PLEKHA3: variants seen among roughly 807,000 people sequenced by gnomAD.
PLEKHA3 encodes pleckstrin homology domain containing A3.
Under a neutral mutation model 39.2 loss-of-function variants are expected in PLEKHA3, and 19 were observed. That is an observed-to-expected ratio of 0.48 (90% CI 0.34 to 0.71). PLEKHA3 has a LOEUF of 0.71. PLEKHA3 is among the 30% of genes least tolerant of loss of function. The pLI, the probability that PLEKHA3 is intolerant of heterozygous loss-of-function variation, is 0.01. For missense variants in PLEKHA3, 253 were observed against 359.5 expected (o/e 0.70, Z 2.40); for synonymous variants, 97 against 118.6 (o/e 0.82, Z 1.18).
rs35052196 is a variant in PLEKHA3, at chr2:178,507,658, GTTTTTTTTTTTTTTTTTTTTTTT to G, written c.*3785_*3807del. Reference sequence around the variant, plus strand: ...CCTTTAGTTTTTAGTCTCACATTAGGTTTTTTTTTTTTTTTTTTTTTTTTTTTTTTTTTTTTGGCAAAGCTCCT... The same window carrying G: ...CCTTTAGTTTTTAGTCTCACATTAGGTTTTTTTTTTTTTGGCAAAGCTCCT... On this transcript the variant is annotated 3_prime_UTR_variant, in exon 8 of 8. Coordinates refer to ENST00000234453, the MANE Select transcript of PLEKHA3 (RefSeq NM_019091.4). 3 of 28,804 alleles carry G rather than the reference GTTTTTTTTTTTTTTTTTTTTTTT, an allele frequency of 1.0e-4. No individual in the cohort carries two copies. The highest frequency in any genetic ancestry group is 4.4e-4 in the Admixed American group (1 of 2,292). The allele number at this position is 28,804 out of a possible 1,614,324, so 1.8% of individuals were successfully genotyped here.
intron 5 of PLEKHA3, among the ~76,000 whole-genome samples, chr2:178,497,404 G>A (rs933803213): frequency 1.3e-5 from 2 of 151,870 alleles, no homozygotes; most frequent in East Asian, 1.9e-4. Flanking sequence ...CTAATTTTTT[G>A]TATTTTTAGT....
At chr2:178,486,304 C>T (rs1685249402) in intron 2 of PLEKHA3, among the ~76,000 whole-genome samples, 1 of 152,058 alleles carries the variant, frequency 6.6e-6, no homozygotes, top group Non-Finnish European at 1.5e-5. Flanking sequence ...TTTTATGGAC[C>T]ATTGATTCAT....
chr2:178,481,775 A>G (rs1188155697), intron 1 of PLEKHA3: 3 of 148,454 alleles, frequency 2.0e-5, no homozygotes, highest in Non-Finnish European at 3.0e-5. Context: ...TTCCAACTCC[A>G]GAATTCCATG....
chr2:178,502,265 C>T, intron 7 of PLEKHA3: 1 of 169,346 alleles, frequency 5.9e-6, no homozygotes. Context: ...TTTTTTTAAA[C>T]TGAATTAATC....
chr2:178,503,305 T>A (rs1258729509), intron 7 of PLEKHA3, among the ~76,000 whole-genome samples: 1 of 151,928 alleles, frequency 6.6e-6, no homozygotes, highest in Non-Finnish European at 1.5e-5. Context: ...ATACCTGAAT[T>A]TAGTCCTCGT....
At chr2:178,503,320 T>C (rs1184973768) in intron 7 of PLEKHA3, among the ~76,000 whole-genome samples, 4 of 151,980 alleles carry the variant, frequency 2.6e-5, no homozygotes, top group Non-Finnish European at 4.4e-5. Context: ...CCTCGTTCTG[T>C]TACCAATTGT....
chr2:178,490,559 G>A, intron 2 of PLEKHA3, 100 bp from the exon 3 acceptor site: 1 of 1,193,668 alleles, frequency 8.4e-7, no homozygotes, highest in Admixed American at 2.4e-5. Context: ...CAATGTTTTT[G>A]GTATATGAAG....
rs770400483 is a variant in PLEKHA3, at chr2:178,493,937, C to T, written c.398C>T (p.Thr133Ile). 1.9e-6 allele frequency: 3 copies of T among 1,613,898 alleles called. No homozygotes were observed. The highest frequency in any genetic ancestry group is 1.3e-5 in the African/African-American group (1 of 74,906). ...GACCTCTTAATGCAGCAAGTTCATA[C>T]AATACAGGAATTTGTTCACCATGAT... ...YCDLLMQQVH[T>I]IQEFVHHDEN... Residue 133 changes from threonine to isoleucine, a missense_variant, in exon 4 of 8, where the codon ACA (threonine) becomes ATA (isoleucine). Thr to Ile is a moderately conservative substitution (Grantham distance 89, BLOSUM62 -1). This residue lies in a region of PLEKHA3 where 126 missense variants were observed against 222.7 expected (regional missense o/e 0.57). Coordinates refer to ENST00000234453, the MANE Select transcript of PLEKHA3 (RefSeq NM_019091.4).
At chr2:178,484,179 T>C (rs940316601) in intron 1 of PLEKHA3, among the ~76,000 whole-genome samples, 2 of 152,234 alleles carry the variant, frequency 1.3e-5, no homozygotes, top group Non-Finnish European at 2.9e-5. Context: ...TAGATTTTTT[T>C]GGTACCTCTT....
At chr2:178,499,421 G>A (rs957797009) in intron 6 of PLEKHA3, among the ~76,000 whole-genome samples, 167 bp downstream of exon 6, 4 of 151,946 alleles carry the variant, frequency 2.6e-5, no homozygotes, top group Admixed American at 1.3e-4. Flanking sequence ...TTAGTATAAG[G>A]GCCTGGCCTC....
Position 178,480,921 on chromosome 2 carries a change from C to G in PLEKHA3, c.40+12C>G. The G allele has an allele frequency of 1.5e-6, 2 of 1,309,328 alleles. No homozygotes were observed. Among genetic ancestry groups the G allele is most frequent in the Non-Finnish European group, 2.0e-6 (2 of 1,020,114 alleles). 81.1% of individuals were successfully genotyped at this position (1,309,328 alleles called of 1,614,324 possible). ...CAACTATCTCACAGGTATGGGGGCT[C>G]GTGTGATGAGGGAAGAGGGGAGAGG... On this transcript the variant is annotated intron_variant, in intron 1 of 7. Coordinates refer to ENST00000234453, the MANE Select transcript of PLEKHA3 (RefSeq NM_019091.4).
rs376059682 is a variant in PLEKHA3 at position 178,501,094 on chromosome 2, A to G, written c.693A>G (p.Thr231=). The change falls in exon 7 of 8, where the codon ACA becomes ACG. Residue 231 remains threonine, a synonymous_variant. Transcript: ENST00000234453. The part of the protein sequence containing the change: ...SSHSIKEPVS[T]LHRLSQRRRR... ...ACTCTATAAAAGAACCAGTATCTAC[A>G]CTTCACCGACTCTCCCAGCGACGCC... The G allele has an allele frequency of 6.2e-7, 1 of 1,613,212 alleles. No individual in the cohort carries two copies. Among genetic ancestry groups the G allele is most frequent in the African/African-American group, 1.3e-5 (1 of 74,874 alleles).
chr2:178,500,651 A>G (rs1462024702), intron 6 of PLEKHA3, among the ~76,000 whole-genome samples: 1 of 151,934 alleles, frequency 6.6e-6, no homozygotes, highest in Non-Finnish European at 1.5e-5. Context: ...CAGTGAGTCT[A>G]CCTCTAGCTC....
chr2:178,497,280 G>C (rs1345011479), intron 5 of PLEKHA3, among the ~76,000 whole-genome samples: 2 of 151,882 alleles, frequency 1.3e-5, no homozygotes, highest in Non-Finnish European at 2.9e-5. Flanking sequence ...GCCCAGGCTG[G>C]AGTGCAGTGG....
At position 178,493,945 on chromosome 2, in the gene PLEKHA3, G is replaced by C; in HGVS notation, c.406G>C (p.Glu136Gln). ...AATGCAGCAAGTTCATACAATACAG[G>C]AATTTGTTCACCATGATGAGAATCA... ...LLMQQVHTIQ[E>Q]FVHHDENHSS... The change falls in exon 4 of 8, where the codon GAA becomes CAA. Residue 136 changes from glutamate to glutamine, a missense_variant. This residue lies in a region of PLEKHA3 where 126 missense variants were observed against 222.7 expected (regional missense o/e 0.57). Coordinates refer to ENST00000234453, the MANE Select transcript of PLEKHA3 (RefSeq NM_019091.4). 1 of 1,614,002 alleles carries C rather than the reference G, an allele frequency of 6.2e-7. No homozygotes were observed.
At chr2:178,500,068 T>G (rs1685506548) in intron 6 of PLEKHA3, among the ~76,000 whole-genome samples, 1 of 152,160 alleles carries the variant, frequency 6.6e-6, no homozygotes, top group South Asian at 2.1e-4. Context: ...AAATTTTACC[T>G]TCTGGATAGA....
rs1685737981 is a variant in PLEKHA3 at position 178,514,901 on chromosome 2, AG to A, written c.*11018del. 6.6e-6 allele frequency: 1 copy of A among 152,132 alleles called. No individual in the cohort carries two copies. Among genetic ancestry groups the A allele is most frequent in the Non-Finnish European group, 1.5e-5 (1 of 68,030 alleles). The allele number at this position is 152,132 out of a possible 1,614,324, so 9.4% of individuals were successfully genotyped here. ...TGGTTAATCTAGGCCATGACCTTTG[AG>A]GGGAAAAGGCACAGATTGCAACTTT... On this transcript the variant is annotated 3_prime_UTR_variant, in exon 8 of 8. Transcript: ENST00000234453.
rs1251172019 is a variant in PLEKHA3 at position 178,514,669 on chromosome 2, C to T, written c.*10782C>T. 1 of 145,836 alleles carries T rather than the reference C, an allele frequency of 6.9e-6. No homozygotes were observed. Among genetic ancestry groups the T allele is most frequent in the African/African-American group, 2.7e-5 (1 of 37,492 alleles). 9.0% of individuals were successfully genotyped at this position (145,836 alleles called of 1,614,324 possible). On this transcript the variant is annotated 3_prime_UTR_variant, in exon 8 of 8. Coordinates refer to ENST00000234453, the MANE Select transcript of PLEKHA3 (RefSeq NM_019091.4). ...ATGGTGCTCAGGAAAAAAAAAGTGC[C>T]AATATTCTTTTTTTTTTTTTCTCTA...
At chr2:178,501,854 T>C (rs913289071) in intron 7 of PLEKHA3, among the ~76,000 whole-genome samples, 1 of 152,026 alleles carries the variant, frequency 6.6e-6, no homozygotes, top group Non-Finnish European at 1.5e-5. Context: ...TCCAAGTCTC[T>C]ACTATTTCTC....
Sources: gnomAD v4.1 joint callset for allele counts (sites outside exome capture counted in the v4.1 genomes callset) on GRCh38, gnomAD v4.1.1 for gene constraint, gnomAD v4.1.1 regional missense constraint, MANE v1.5 for transcripts, NCBI Gene and HGNC (gene_info 2026-07-23, HGNC 2026-07-21) for gene names.